TBC1D15: variants seen among roughly 807,000 people sequenced by gnomAD.
The protein encoded by TBC1D15 is TBC1 domain family member 15, also known as GAP for RAB7.
TBC1D15 carries 39 observed loss-of-function variants against 95.4 expected under a neutral mutation model. The observed-to-expected ratio is 0.41, with a 90% CI of 0.32 to 0.53. The LOEUF (loss-of-function observed/expected upper bound fraction) is 0.53. TBC1D15 is among the 20% of genes least tolerant of loss of function. TBC1D15 has a pLI of 0.29. For missense variants in TBC1D15, 733 were observed against 794.3 expected (o/e 0.92, Z 0.93); for synonymous variants, 258 against 261.3 (o/e 0.99, Z 0.12).
At chr12:71,877,407 AT>A (rs1478130508) in intron 3 of TBC1D15, among the ~76,000 whole-genome samples, 1 of 144,870 alleles carries the variant, frequency 6.9e-6, no homozygotes, top group East Asian at 2.0e-4. Flanking sequence ...TTTAGTGATG[AT>A]TTCTTCCCCA....
chr12:71,898,573 G>A (rs892113030), intron 10 of TBC1D15, among the ~76,000 whole-genome samples: 6 of 152,122 alleles, frequency 3.9e-5, no homozygotes, highest in African/African-American at 1.4e-4. Context: ...AGAAACTGAA[G>A]CATGGAGAAC....
At chr12:71,899,963 C>A (rs548280816) in intron 10 of TBC1D15, among the ~76,000 whole-genome samples, 110 of 151,766 alleles carry the variant, frequency 7.2e-4, no homozygotes, top group Admixed American at 5.5e-3. Context: ...CTTCTCAAAA[C>A]AAAACAAAAC....
chr12:71,906,181 T>G (rs1900669542), intron 10 of TBC1D15, among the ~76,000 whole-genome samples: 2 of 152,162 alleles, frequency 1.3e-5, no homozygotes, highest in Non-Finnish European at 2.9e-5. Context: ...CCTCCTCATC[T>G]CTTTGTAAAG....
At chr12:71,915,744 T>A (rs1903561761) in intron 12 of TBC1D15, among the ~76,000 whole-genome samples, 2 of 152,174 alleles carry the variant, frequency 1.3e-5, no homozygotes. Flanking sequence ...AAGGATGTTC[T>A]GGGGATTTTT....
At chr12:71,881,778 G>A (rs1486739940) in intron 4 of TBC1D15, among the ~76,000 whole-genome samples, 10 of 152,104 alleles carry the variant, frequency 6.6e-5, no homozygotes, top group East Asian at 3.9e-4. Flanking sequence ...TTAGCCGGGC[G>A]TGGTGGCGCA....
At chr12:71,872,822 A>T in intron 2 of TBC1D15, 107 bp from the exon 3 acceptor site, 1 of 699,224 alleles carries the variant, frequency 1.4e-6, no homozygotes. Context: ...CATATTTAAA[A>T]TGTAGATATT....
chr12:71,850,149 C>T, intron 1 of TBC1D15: 1 of 549,540 alleles, frequency 1.8e-6, no homozygotes, highest in Non-Finnish European at 3.5e-6. Flanking sequence ...TCATGATAAT[C>T]ATATTATTTC....
chr12:71,862,391 T>A (rs1002504265), intron 1 of TBC1D15, among the ~76,000 whole-genome samples: 1 of 152,176 alleles, frequency 6.6e-6, no homozygotes, highest in Non-Finnish European at 1.5e-5. Flanking sequence ...ACAGTTGTTA[T>A]ATCCTCTTGC....
At chr12:71,916,820 A>G (rs1284893537) in intron 12 of TBC1D15, among the ~76,000 whole-genome samples, 11 of 152,154 alleles carry the variant, frequency 7.2e-5, no homozygotes, top group African/African-American at 1.9e-4. Context: ...AAAGCATATG[A>G]ACCCCAGCAG....
At chr12:71,869,201 A>G (rs1316621347) in intron 1 of TBC1D15, among the ~76,000 whole-genome samples, 1 of 152,148 alleles carries the variant, frequency 6.6e-6, no homozygotes, top group Non-Finnish European at 1.5e-5. Flanking sequence ...GTGGGATTTC[A>G]CCTATATGTG....
intron 7 of TBC1D15, among the ~76,000 whole-genome samples, chr12:71,895,243 T>C (rs534343983): frequency 6.6e-6 from 1 of 152,206 alleles, no homozygotes; most frequent in East Asian, 1.9e-4. Flanking sequence ...AGGATACTAC[T>C]TTTAGGGCTT....
At chr12:71,855,812 A>C (rs1285184321) in intron 1 of TBC1D15, among the ~76,000 whole-genome samples, 1 of 152,046 alleles carries the variant, frequency 6.6e-6, no homozygotes, top group Non-Finnish European at 1.5e-5. Context: ...AGTAGTATTA[A>C]AACATAGCTA....
chr12:71,864,112 CA>C (rs765957137), intron 1 of TBC1D15, among the ~76,000 whole-genome samples: 1 of 151,868 alleles, frequency 6.6e-6, no homozygotes, highest in Non-Finnish European at 1.5e-5. Context: ...TCTTGTTGCC[CA>C]GGCTAAAGTG....
intron 1 of TBC1D15, among the ~76,000 whole-genome samples, chr12:71,851,329 C>T (rs919226008): frequency 2.0e-5 from 3 of 152,036 alleles, no homozygotes; most frequent in Admixed American, 6.5e-5. Flanking sequence ...CCACCTCCAA[C>T]GTTGGGTATT....
chr12:71,922,903 G>T, intron 16 of TBC1D15, 80 bp from the exon 17 acceptor site: 2 of 1,292,624 alleles, frequency 1.5e-6, no homozygotes, highest in East Asian at 4.8e-5. Flanking sequence ...AATCAATGTA[G>T]TCTTAAACAG....
intron 5 of TBC1D15, among the ~76,000 whole-genome samples, chr12:71,888,263 C>T (rs982891153): frequency 3.3e-5 from 5 of 152,072 alleles, no homozygotes; most frequent in Admixed American, 2.0e-4. Flanking sequence ...GTGGGCGGAT[C>T]ACTTGAGGTC....
chr12:71,864,827 T>A (rs975938560), intron 1 of TBC1D15, among the ~76,000 whole-genome samples: 1 of 152,116 alleles, frequency 6.6e-6, no homozygotes, highest in Non-Finnish European at 1.5e-5. Context: ...GGTTTTAATT[T>A]GTTGGTTGAG....
At chr12:71,887,532 G>A (rs770374794) in intron 5 of TBC1D15, among the ~76,000 whole-genome samples, 1 of 152,080 alleles carries the variant, frequency 6.6e-6, no homozygotes, top group Non-Finnish European at 1.5e-5. Flanking sequence ...ATTTCTTTCA[G>A]TTCCTAAAAC....
At position 71,872,077 on chromosome 12, in the gene TBC1D15, A is replaced by G. The variant is rs1311990866; in HGVS notation, c.38A>G (p.Tyr13Cys). The change falls in exon 2 of 17, where the codon TAT (tyrosine) becomes TGT (cysteine). Residue 13 changes from tyrosine (Y) to cysteine (C), a missense_variant. Tyr to Cys is a radical substitution (Grantham distance 194, BLOSUM62 -2). Transcript: ENST00000485960. ...TTATTTTTGCTGTTTTAGATTATAT[A>G]TGAACAAGAAGGAGTATATATTCAC... ...AAGVVSGKII[Y>C]EQEGVYIHSS... The G allele has an allele frequency of 6.7e-7, 1 of 1,499,064 alleles. No individual in the cohort carries two copies. The highest frequency in any genetic ancestry group is 2.2e-5 in the Admixed American group (1 of 44,858). The allele number at this position is 1,499,064 out of a possible 1,614,324, so 92.9% of individuals were successfully genotyped here.
Sources: gnomAD v4.1 joint callset for allele counts (sites outside exome capture counted in the v4.1 genomes callset) on GRCh38, gnomAD v4.1.1 for gene constraint, MANE v1.5 for transcripts, NCBI Gene and HGNC (gene_info 2026-07-23, HGNC 2026-07-21) for gene names.